The following RPS18 variants were observed in gnomAD, a reference collection of about 807,000 sequenced individuals.
RPS18 encodes the protein small ribosomal subunit protein uS13.
For missense variants in RPS18, 49 were observed against 200.8 expected, an observed-to-expected ratio of 0.24 and a Z score of 4.57; for synonymous variants, 64 against 70.9, an observed-to-expected ratio of 0.90 and a Z score of 0.49.
intron 2 of RPS18, among the ~76,000 whole-genome samples, chr6:33,274,315 A>G (rs570540878): frequency 6.6e-6 from 1 of 152,084 alleles, no homozygotes; most frequent in East Asian, 1.9e-4. Flanking sequence ...TCCTACCTCA[A>G]CTTTCCAAGT....
At chr6:33,272,199 A>G (rs1346637609) in intron 1 of RPS18, 77 bp downstream of exon 1, 3 of 1,507,486 alleles carry the variant, frequency 2.0e-6, no homozygotes, top group Admixed American at 3.9e-5. Context: ...GGTTCTGGAA[A>G]CGTCCTGCCC....
In RPS18 at chr6:33,272,119, C is replaced by G. The variant is rs930746014; in HGVS notation, c.-1C>G. 6.4e-7 allele frequency: 1 copy of G among 1,567,934 alleles called. No homozygotes were observed. The highest frequency in any genetic ancestry group is 1.2e-5 in the South Asian group (1 of 85,360). ...TACACGCCGCCGCTTGTGCTGCAGC[C>G]ATGGTAAGACTGGAATCCGTGCCGT... On this transcript the variant is annotated 5_prime_UTR_variant, in exon 1 of 6. Coordinates refer to ENST00000439602, the MANE Select transcript of RPS18 (RefSeq NM_022551.3).
chr6:33,273,885 C>G (rs1180991019), intron 2 of RPS18, among the ~76,000 whole-genome samples: 5 of 109,356 alleles, frequency 4.6e-5, no homozygotes, highest in Non-Finnish European at 1.8e-5. Flanking sequence ...ATGGTGAAAC[C>G]TCGTCATTTA....
chr6:33,276,318 A>G (rs1562599342), intron 5 of RPS18, 51 bp downstream of exon 5: 5 of 1,603,392 alleles, frequency 3.1e-6, no homozygotes, highest in Middle Eastern at 3.3e-4. Context: ...CATTCCTCCT[A>G]CTCGCTCTTC....
chr6:33,276,194 G>A lies in RPS18; in HGVS notation c.310G>A (p.Asp104Asn). The change falls in exon 5 of 6, where the codon GAC becomes AAC. Residue 104 changes from aspartate (D) to asparagine (N), a missense_variant. Physicochemically the swap from Asp to Asn is conservative, Grantham distance 23 (BLOSUM62 1). Transcript: ENST00000439602. ...KYSQVLANGL[D>N]NKLREDLERL... ...AATCCAGGTCCTAGCCAATGGTCTG[G>A]ACAACAAGCTCCGTGAAGACCTGGA... 2 of 1,614,128 alleles carry A rather than the reference G, an allele frequency of 1.2e-6. No homozygotes were observed. Among genetic ancestry groups the A allele is most frequent in the Non-Finnish European group, 1.7e-6 (2 of 1,180,018 alleles).
chr6:33,273,247 G>C (rs980909569), intron 2 of RPS18, among the ~76,000 whole-genome samples: 32 of 152,220 alleles, frequency 2.1e-4, no homozygotes, highest in African/African-American at 7.2e-4. Flanking sequence ...CTCCTTTCCT[G>C]TCGAAGTGTG....
intron 1 of RPS18, chr6:33,272,375 C>G: frequency 1.6e-6 from 1 of 606,568 alleles, no homozygotes. Flanking sequence ...TTGCCACGCA[C>G]TTTTGGGAAT....
chr6:33,272,870 G>GA, intron 2 of RPS18, 144 bp downstream of exon 2: 1 of 659,122 alleles, frequency 1.5e-6, no homozygotes, highest in Admixed American at 2.3e-5. Flanking sequence ...GTGGTTTAGG[G>GA]AGAGACTGAC....
At chr6:33,274,304 C>T (rs1190906259) in intron 2 of RPS18, among the ~76,000 whole-genome samples, 1 of 152,206 alleles carries the variant, frequency 6.6e-6, no homozygotes, top group African/African-American at 2.4e-5. Context: ...CAAGTCAATC[C>T]TCCTACCTCA....
At chr6:33,273,139 A>C (rs1724155504) in intron 2 of RPS18, among the ~76,000 whole-genome samples, 1 of 152,214 alleles carries the variant, frequency 6.6e-6, no homozygotes, top group Admixed American at 6.5e-5. Flanking sequence ...TTGAGGGATA[A>C]GTAGAAATAC....
At chr6:33,274,149 C>T (rs1765478836) in intron 2 of RPS18, among the ~76,000 whole-genome samples, 2 of 152,170 alleles carry the variant, frequency 1.3e-5, no homozygotes, top group South Asian at 4.1e-4. Context: ...AACTTCTGAC[C>T]TCAGGTGATC....
chr6:33,274,823 ATGT>A (rs2150879959), intron 2 of RPS18, among the ~76,000 whole-genome samples: 1 of 152,150 alleles, frequency 6.6e-6, no homozygotes, highest in South Asian at 2.1e-4. Context: ...CCACATTCTG[ATGT>A]TCTAGTTGGA....
intron 5 of RPS18, 33 bp downstream of exon 5, chr6:33,276,300 C>G (rs377680692): frequency 3.5e-5 from 56 of 1,605,264 alleles, no homozygotes; most frequent in East Asian, 4.5e-5. Context: ...CTGCCTACCT[C>G]GACTCAGCAT....
In RPS18 at chr6:33,272,141, C is replaced by T; in HGVS notation, c.3+19C>T. 2 of 1,561,184 alleles carry T rather than the reference C, an allele frequency of 1.3e-6. No individual in the cohort carries two copies. The highest frequency in any genetic ancestry group is 1.2e-5 in the South Asian group (1 of 84,796). On this transcript the variant is annotated intron_variant, in intron 1 of 5. Coordinates refer to ENST00000439602, the MANE Select transcript of RPS18 (RefSeq NM_022551.3). ...AGCCATGGTAAGACTGGAATCCGTG[C>T]CGTGATCCAGCGGCATCGCAGCTCG...
At chr6:33,275,403 C>G (rs1765560179) in intron 2 of RPS18, 1 of 206,380 alleles carries the variant, frequency 4.8e-6, no homozygotes, top group South Asian at 7.1e-5. Flanking sequence ...GCTGCAACCT[C>G]CACCTCCTAG....
rs11551025 is a variant in RPS18 at position 33,272,641 on chromosome 6, C to T, written c.17C>T (p.Pro6Leu). 1 of 1,519,394 alleles carries T rather than the reference C, an allele frequency of 6.6e-7. No individual in the cohort carries two copies. The highest frequency in any genetic ancestry group is 9.1e-7 in the Non-Finnish European group (1 of 1,093,500). The allele number at this position is 1,519,394 out of a possible 1,614,324, so 94.1% of individuals were successfully genotyped here. The change falls in exon 2 of 6, where the codon CCT (proline) becomes CTT (leucine). Residue 6 changes from proline to leucine, a missense_variant. Pro to Leu is a moderately conservative substitution (Grantham distance 98, BLOSUM62 -3). Coordinates refer to ENST00000439602, the MANE Select transcript of RPS18 (RefSeq NM_022551.3). ...TTTTTCAACTAGTCTCTAGTGATCC[C>T]TGAAAAGTTCCAGCATATTTTGCGA... is the stretch of plus-strand genomic sequence containing the variant. MSLVI[P>L]EKFQHILRVL...
chr6:33,272,399 G>A, intron 1 of RPS18: 1 of 605,040 alleles, frequency 1.7e-6, no homozygotes, highest in Non-Finnish European at 2.9e-6. Flanking sequence ...CAGGAGACCT[G>A]CTTCCTCTCT....
intron 2 of RPS18, 73 bp downstream of exon 2, chr6:33,272,799 CA>C (rs554945133): frequency 4.9e-6 from 4 of 815,396 alleles, no homozygotes; most frequent in Non-Finnish European, 8.9e-6. Flanking sequence ...AAAAATGAAG[CA>C]AGGCTGGGGA....
intron 2 of RPS18, 39 bp from the exon 3 acceptor site, chr6:33,275,758 A>C (rs775418610): frequency 7.7e-7 from 1 of 1,297,176 alleles, no homozygotes; most frequent in Non-Finnish European, 1.1e-6. Context: ...TTTAAAAATC[A>C]GATTCAACAC....
Sources: gnomAD v4.1 joint callset for allele counts (sites outside exome capture counted in the v4.1 genomes callset) on GRCh38, gnomAD v4.1.1 for gene constraint, MANE v1.5 for transcripts, NCBI Gene and HGNC (gene_info 2026-07-23, HGNC 2026-07-21) for gene names.